The following NSF variants were observed in gnomAD, a reference collection of about 807,000 sequenced individuals.
NSF encodes vesicle-fusing ATPase.
A neutral mutation model predicts 50.3 loss-of-function variants in NSF; 14 were observed. That is an observed-to-expected ratio of 0.28 (90% CI 0.18 to 0.44). The LOEUF is 0.44. Among genes scored for constraint, NSF ranks in the 20% least tolerant of loss-of-function variants. The pLI, the probability that NSF is intolerant of heterozygous loss-of-function variation, is 1.00. For missense variants in NSF, 218 were observed against 504.3 expected (o/e 0.43, Z 5.44); for synonymous variants, 109 against 175.7 (o/e 0.62, Z 3.00).
In NSF at chr17:46,610,114, T is replaced by TCC. The variant is rs1348263941; in HGVS notation, c.13-14129_13-14128insCC. 6.5e-5 allele frequency among the ~76,000 whole-genome samples: 8 copies of TCC among 122,972 alleles called. No individual in the cohort carries two copies. The East Asian group carries it at 1.6e-3, about 25-fold the overall frequency. 80.7% of individuals were successfully genotyped at this position (122,972 alleles called of 152,430 possible). A position where few individuals can be genotyped will look rare whatever the true frequency, so the allele number is the denominator to read the frequency against. ...TTTTCTCTCTTTCTCTCTCTCTCTC[T>TCC]CTCTCTCTCTCTTCCTTTCTTCCTT... is the stretch of plus-strand genomic sequence containing the variant. On this transcript the variant is annotated intron_variant, in intron 1 of 20. Transcript: ENST00000398238.
At chr17:46,718,122 C>T (rs1264479169) in intron 15 of NSF, among the ~76,000 whole-genome samples, 2 of 152,194 alleles carry the variant, frequency 1.3e-5, no homozygotes, top group African/African-American at 4.8e-5. Flanking sequence ...GACAGCTGGT[C>T]CTGAGGGAGA....
rs930087960 is a variant in NSF at position 46,722,230 on chromosome 17, C to T, written c.1762-4319C>T. The T allele has an allele frequency of 4.6e-6, 6 of 1,293,058 alleles. No homozygotes were observed. The Admixed American group carries it at 5.1e-5, about 11-fold the overall frequency. 80.1% of individuals were successfully genotyped at this position (1,293,058 alleles called of 1,614,324 possible). ...AAGAGACCCAAATCTCGCGAGAGCACGTCAAAATCCCTACATTCTTAAGAT... is the reference window on the plus strand; with the variant it reads ...AAGAGACCCAAATCTCGCGAGAGCATGTCAAAATCCCTACATTCTTAAGAT... On this transcript the variant is annotated intron_variant, in intron 15 of 20. Transcript: ENST00000398238.
chr17:46,756,070 G>C lies in NSF; in HGVS notation c.*247G>C. 2.1e-6 allele frequency: 1 copy of C among 470,476 alleles called. No homozygotes were observed. Among genetic ancestry groups the C allele is most frequent in the Non-Finnish European group, 3.8e-6 (1 of 264,618 alleles). The allele number at this position is 470,476 out of a possible 1,614,324, so 29.1% of individuals were successfully genotyped here. On this transcript the variant is annotated 3_prime_UTR_variant, in exon 21 of 21. Coordinates refer to ENST00000398238, the MANE Select transcript of NSF (RefSeq NM_006178.4). ...CTTACCTTCCCATGCAGGCTAAAGT[G>C]ATTCCTTCTTGCTCAGTCCCTCTGG...
chr17:46,755,426 C>G lies in NSF; in HGVS notation c.2213+57C>G. ...CCAAACTTACCACCCTGTTAAATCCCTGTGCCTATTCTAAGAGTTGCTTTC... is the reference window on the plus strand; with the variant it reads ...CCAAACTTACCACCCTGTTAAATCCGTGTGCCTATTCTAAGAGTTGCTTTC... On this transcript the variant is annotated intron_variant, in intron 20 of 20. Coordinates refer to ENST00000398238, the MANE Select transcript of NSF (RefSeq NM_006178.4). The G allele has an allele frequency of 2.2e-6, 3 of 1,350,566 alleles. No individual in the cohort carries two copies. The Admixed American group carries it at 5.0e-5, about 23-fold the overall frequency. The allele number at this position is 1,350,566 out of a possible 1,614,324, so 83.7% of individuals were successfully genotyped here.
intron 15 of NSF, among the ~76,000 whole-genome samples, chr17:46,725,784 C>T (rs1467839148): frequency 6.6e-6 from 1 of 152,064 alleles, no homozygotes; most frequent in Non-Finnish European, 1.5e-5. Context: ...GAAACTAATT[C>T]TTACTCATGA....
intron 15 of NSF, among the ~76,000 whole-genome samples, chr17:46,718,377 G>A (rs921609085): frequency 3.9e-5 from 6 of 152,044 alleles, no homozygotes; most frequent in African/African-American, 1.4e-4. Context: ...AACTACAAGA[G>A]TGGAAATTGA....
intron 9 of NSF, among the ~76,000 whole-genome samples, chr17:46,675,689 T>A (rs1466445629): frequency 7.4e-6 from 1 of 135,340 alleles, no homozygotes; most frequent in Non-Finnish European, 1.5e-5. Flanking sequence ...TCTGTTTGTC[T>A]GTTCTGATTA....
chr17:46,619,778 A>G lies in NSF; in HGVS notation c.13-4466A>G, dbSNP rs1351352170. On this transcript the variant is annotated intron_variant, in intron 1 of 20. Transcript: ENST00000398238. ...CAGAGCAAGACTCCATCTAAAAAAA[A>G]AAAAAAAAAAAAAAAAAACCCAGAA... is the stretch of plus-strand genomic sequence containing the variant. 5.9e-3 allele frequency among the ~76,000 whole-genome samples: 518 copies of G among 87,812 alleles called. 8 individuals carry two copies. Among genetic ancestry groups the G allele is most frequent in the African/African-American group, 0.023 (482 of 20,824 alleles). 57.6% of individuals were successfully genotyped at this position (87,812 alleles called of 152,430 possible). A position where few individuals can be genotyped will look rare whatever the true frequency, so the allele number is the denominator to read the frequency against.
intron 17 of NSF, among the ~76,000 whole-genome samples, chr17:46,742,285 C>T (rs978489083): frequency 2.0e-5 from 3 of 152,026 alleles, no homozygotes; most frequent in African/African-American, 7.3e-5. Flanking sequence ...TAGTTACTTT[C>T]CTTTTGGACA....
Position 46,711,138 on chromosome 17 carries a change from A to T in NSF, c.1627+19A>T, listed in dbSNP as rs967782373. On this transcript the variant is annotated intron_variant, in intron 14 of 20. Coordinates refer to ENST00000398238, the MANE Select transcript of NSF (RefSeq NM_006178.4). ...CTGGAAGGTGAGAATGAATGAGGAG[A>T]TGGCATTAAAAGTTAAAGGAAAAAA... 1.3e-6 allele frequency: 2 copies of T among 1,481,892 alleles called. No homozygotes were observed. Among genetic ancestry groups the T allele is most frequent in the East Asian group, 2.7e-5 (1 of 37,326 alleles). The allele number at this position is 1,481,892 out of a possible 1,614,324, so 91.8% of individuals were successfully genotyped here.
In NSF at chr17:46,710,452, A is replaced by G. The variant is rs537657971; in HGVS notation, c.1471-511A>G. On this transcript the variant is annotated intron_variant, in intron 13 of 20. Coordinates refer to ENST00000398238, the MANE Select transcript of NSF (RefSeq NM_006178.4). The stretch of plus-strand genomic sequence containing the variant: ...TCCTAAATCTTATATTTACACATAT[A>G]AACTTAACATTGGTGCCATTTAACT... Among the ~76,000 whole-genome samples, 3 of 152,336 alleles carry G rather than the reference A, an allele frequency of 2.0e-5. No homozygotes were observed. In the South Asian group the frequency reaches 6.2e-4, roughly 32 times the overall value.
intron 19 of NSF, among the ~76,000 whole-genome samples, chr17:46,754,565 C>T (rs527928579): frequency 3.2e-4 from 48 of 152,320 alleles, no homozygotes; most frequent in African/African-American, 1.1e-3. Flanking sequence ...TAGATAACTT[C>T]ATATCTCCTG....
chr17:46,719,734 G>A lies in NSF; in HGVS notation c.1761+5748G>A, dbSNP rs1003736350. Among the ~76,000 whole-genome samples, 12 of 151,732 alleles carry A rather than the reference G, an allele frequency of 7.9e-5. No individual in the cohort carries two copies. The highest frequency in any genetic ancestry group is 1.3e-4 in the Non-Finnish European group (9 of 67,980). On this transcript the variant is annotated intron_variant, in intron 15 of 20. Transcript: ENST00000398238. The surrounding 1 kb of genome is among the most constrained non-coding windows in gnomAD (Gnocchi z 4.3). The stretch of plus-strand genomic sequence containing the variant: ...AAAATCTATTTTACTAGTTCTATTC[G>A]TGCCATTAAATGAACAAAAGAAGAA...
At chr17:46,748,999 G>C (rs1413243966) in intron 17 of NSF, among the ~76,000 whole-genome samples, 1 of 152,152 alleles carries the variant, frequency 6.6e-6, no homozygotes, top group Admixed American at 6.5e-5. Flanking sequence ...GGCATGTGGT[G>C]GGGGAAGGGG....
At chr17:46,681,347 A>G (rs1264744331) in intron 9 of NSF, among the ~76,000 whole-genome samples, 1 of 126,088 alleles carries the variant, frequency 7.9e-6, no homozygotes, top group Non-Finnish European at 1.7e-5. Flanking sequence ...AAAATTAGCC[A>G]GGCATGGTGG....
At position 46,713,893 on chromosome 17, in the gene NSF, T is replaced by C; in HGVS notation, c.1668T>C (p.Ile556=). Residue 556 remains isoleucine (I), a synonymous_variant, in exon 15 of 21, where the codon ATT becomes ATC. Coordinates refer to ENST00000398238, the MANE Select transcript of NSF (RefSeq NM_006178.4). ...HSGKTALAAK[I]AEESNFPFIK... is the part of the protein sequence containing the mutation. ...GGAAGACTGCTTTAGCTGCAAAAAT[T>C]GCAGAGGAATCCAACTTCCCGTTCA... The C allele has an allele frequency of 1.2e-6, 2 of 1,612,796 alleles. No individual in the cohort carries two copies. Among genetic ancestry groups the C allele is most frequent in the African/African-American group, 2.7e-5 (2 of 74,990 alleles).
chr17:46,718,243 C>G (rs1598710852), intron 15 of NSF, among the ~76,000 whole-genome samples: 1 of 152,194 alleles, frequency 6.6e-6, no homozygotes, highest in Admixed American at 6.5e-5. Flanking sequence ...TGCACCCCTG[C>G]ATTTCTTGTC....
Position 46,711,124 on chromosome 17 carries a change from G to A in NSF, c.1627+5G>A. The A allele has an allele frequency of 6.7e-7, 1 of 1,493,298 alleles. No individual in the cohort carries two copies. The highest frequency in any genetic ancestry group is 8.9e-7 in the Non-Finnish European group (1 of 1,125,944). The allele number at this position is 1,493,298 out of a possible 1,614,324, so 92.5% of individuals were successfully genotyped here. ...TGGTCAGCGTGCTTCTGGAAGGTGA[G>A]AATGAATGAGGAGATGGCATTAAAA... On this transcript the variant is annotated splice_donor_5th_base_variant and intron_variant, in intron 14 of 20. Coordinates refer to ENST00000398238, the MANE Select transcript of NSF (RefSeq NM_006178.4).
chr17:46,630,917 TA>T (rs757490899), intron 4 of NSF, among the ~76,000 whole-genome samples: 24 of 135,206 alleles, frequency 1.8e-4, no homozygotes, highest in South Asian at 2.3e-4. Context: ...CTTTAAAACT[TA>T]AAAAAAAATT....
Sources: allele counts gnomAD v4.1 joint callset (sites outside exome capture counted in the v4.1 genomes callset), GRCh38; gene constraint gnomAD v4.1.1; non-coding constraint Gnocchi (gnomAD v3.1); transcripts MANE v1.5; gene names NCBI Gene and HGNC (gene_info 2026-07-23, HGNC 2026-07-21).